Variants in KDM4B observed in about 807,000 individuals in gnomAD.
KDM4B encodes the protein lysine demethylase 4B, also known as lysine-specific demethylase 4B.
Under a neutral mutation model 125.2 loss-of-function variants are expected in KDM4B, and 32 were observed. The observed-to-expected ratio is 0.26, with a 90% CI of 0.19 to 0.34. KDM4B has a LOEUF of 0.34. Ranked by LOEUF, KDM4B falls within the 10% of genes least tolerant of loss-of-function variation. The pLI, the probability that KDM4B is intolerant of heterozygous loss-of-function variation, is 1.00. For missense variants in KDM4B, 1,190 were observed against 1,577.7 expected (o/e 0.75, Z 4.16); for synonymous variants, 721 against 677.9 (o/e 1.06, Z -0.99).
intron 6 of KDM4B, among the ~76,000 whole-genome samples, chr19:5,061,824 C>T (rs1240476698): frequency 1.4e-5 from 2 of 145,954 alleles, no homozygotes; most frequent in African/African-American, 2.5e-5. Flanking sequence ...AAGACCCTGT[C>T]TCTTAAAAAA....
At chr19:5,090,624 G>A (rs1201032049) in intron 9 of KDM4B, among the ~76,000 whole-genome samples, 45 of 84,410 alleles carry the variant, frequency 5.3e-4, no homozygotes, top group African/African-American at 1.2e-3. Flanking sequence ...CTGTCTCCCC[G>A]CTGCGCGCGT....
At position 5,135,425 on chromosome 19, in the gene KDM4B, C is replaced by A; in HGVS notation, c.2172C>A (p.Thr724=). 6.2e-7 allele frequency: 1 copy of A among 1,613,668 alleles called. No homozygotes were observed. Among genetic ancestry groups the A allele is most frequent in the Non-Finnish European group, 8.5e-7 (1 of 1,180,010 alleles). Reference sequence around the variant, plus strand: ...TACCCTCCAAAAGCCGTCAGAAGACCCGACCGCTCATCCCTGAGATGTGCT... The same window carrying A: ...TACCCTCCAAAAGCCGTCAGAAGACACGACCGCTCATCCCTGAGATGTGCT... ...ATLPSKSRQK[T]RPLIPEMCFT... The change falls in exon 15 of 23, where the codon ACC becomes ACA. Residue 724 remains threonine (T), a synonymous_variant. Coordinates refer to ENST00000159111, the MANE Select transcript of KDM4B (RefSeq NM_015015.3).
intron 1 of KDM4B, among the ~76,000 whole-genome samples, chr19:4,981,540 G>A (rs1169741492): frequency 6.6e-6 from 1 of 152,268 alleles, no homozygotes; most frequent in South Asian, 2.1e-4. Context: ...GGTTCTAAAT[G>A]TGCCCCTGGG....
chr19:5,025,918 C>G (rs907959992), intron 2 of KDM4B, among the ~76,000 whole-genome samples: 1 of 151,906 alleles, frequency 6.6e-6, no homozygotes, highest in Non-Finnish European at 1.5e-5. Context: ...GAGTTTCACT[C>G]GTTGCCCAGG....
chr19:5,077,474 C>T lies in KDM4B; in HGVS notation c.780+4C>T. On this transcript the variant is annotated splice_donor_region_variant and intron_variant, in intron 8 of 22. Coordinates refer to ENST00000159111, the MANE Select transcript of KDM4B (RefSeq NM_015015.3). The stretch of plus-strand genomic sequence containing the variant: ...GTACGGGATCCCCTTCAGCCGGGTG[C>T]GTACGGGTGGGGCCTGCACGCCTGT... The T allele has an allele frequency of 3.1e-6, 5 of 1,612,440 alleles. No homozygotes were observed. Among genetic ancestry groups the T allele is most frequent in the South Asian group, 1.1e-5 (1 of 91,070 alleles).
intron 3 of KDM4B, among the ~76,000 whole-genome samples, chr19:5,033,906 G>A (rs945225185): frequency 6.6e-6 from 1 of 152,222 alleles, no homozygotes; most frequent in African/African-American, 2.4e-5. Context: ...TGAGGCAGGG[G>A]GATTGCTTGA....
At position 5,035,880 on chromosome 19, in the gene KDM4B, TGCGC is replaced by T. The variant is rs149870966; in HGVS notation, c.141+2862_141+2865del. 7.3e-4 allele frequency among the ~76,000 whole-genome samples: 100 copies of T among 136,504 alleles called. No individual in the cohort carries two copies. The highest frequency in any genetic ancestry group is 2.0e-3 in the African/African-American group (76 of 37,904). The allele number at this position is 136,504 out of a possible 152,430, so 89.6% of individuals were successfully genotyped here. A position where few individuals can be genotyped will look rare whatever the true frequency, so the allele number is the denominator to read the frequency against. Reference sequence around the variant, plus strand: ...ACGTGTCTCTGTGTGTGTGTGTGTGTGCGCGCGCGCGCGCGCCTGCGCGCACAGG... The same window carrying T: ...ACGTGTCTCTGTGTGTGTGTGTGTGTGCGCGCGCGCGCCTGCGCGCACAGG... On this transcript the variant is annotated intron_variant, in intron 3 of 22. Transcript: ENST00000159111. The surrounding 1 kb of genome is among the most constrained non-coding windows in gnomAD (Gnocchi z 5.3).
chr19:5,133,777 C>T, intron 13 of KDM4B, 106 bp from the exon 14 acceptor site: 2 of 1,201,338 alleles, frequency 1.7e-6, no homozygotes, highest in South Asian at 1.4e-5. Flanking sequence ...CTGTGGGCAG[C>T]CAGGGCTGTA....
intron 7 of KDM4B, chr19:5,074,992 C>G (rs2145838545): frequency 6.6e-6 from 1 of 152,510 alleles, no homozygotes; most frequent in East Asian, 1.9e-4. Context: ...GGCAGTACCT[C>G]TCTACCGTCA....
chr19:4,989,109 G>T (rs1046815260), intron 1 of KDM4B, among the ~76,000 whole-genome samples: 12 of 152,236 alleles, frequency 7.9e-5, no homozygotes, highest in Admixed American at 7.9e-4. Context: ...GGACGGGAGG[G>T]TGGCTGTCTG....
intron 3 of KDM4B, among the ~76,000 whole-genome samples, chr19:5,038,312 T>C (rs2036695164): frequency 6.6e-6 from 1 of 152,154 alleles, no homozygotes; most frequent in African/African-American, 2.4e-5. Context: ...AATCTGGTCT[T>C]GTCGGCCCAT....
rs2036595342 is a variant in KDM4B at position 5,035,688 on chromosome 19, T to C, written c.141+2657T>C. 6.6e-6 allele frequency among the ~76,000 whole-genome samples: 1 copy of C among 151,998 alleles called. No homozygotes were observed. The highest frequency in any genetic ancestry group is 2.1e-4 in the South Asian group (1 of 4,816). On this transcript the variant is annotated intron_variant, in intron 3 of 22. Coordinates refer to ENST00000159111, the MANE Select transcript of KDM4B (RefSeq NM_015015.3). The surrounding 1 kb of genome is among the most constrained non-coding windows in gnomAD (Gnocchi z 5.3). Reference sequence around the variant, plus strand: ...GCGTCTTAAGCCAGTGTGGGGAGTATGGTTTCCCTGCCTTGCGTTCTGCGT... The same window carrying C: ...GCGTCTTAAGCCAGTGTGGGGAGTACGGTTTCCCTGCCTTGCGTTCTGCGT...
At chr19:5,019,041 T>C (rs2035978573) in intron 2 of KDM4B, among the ~76,000 whole-genome samples, 1 of 151,142 alleles carries the variant, frequency 6.6e-6, no homozygotes, top group African/African-American at 2.4e-5. Flanking sequence ...GGTGTGGACG[T>C]TGGTGTGCAG....
intron 1 of KDM4B, among the ~76,000 whole-genome samples, chr19:4,970,455 G>C (rs547608852): frequency 6.6e-6 from 1 of 152,206 alleles, no homozygotes; most frequent in African/African-American, 2.4e-5. Context: ...GTCCCACCGG[G>C]TGCCTGCACT....
chr19:5,024,648 TAAA>T (rs35726883), intron 2 of KDM4B, among the ~76,000 whole-genome samples: 1 of 140,814 alleles, frequency 7.1e-6, no homozygotes, highest in South Asian at 2.3e-4. Flanking sequence ...ACAGCTGCCC[TAAA>T]AAAAAAAAAG....
At chr19:4,989,170 G>A (rs955351430) in intron 1 of KDM4B, among the ~76,000 whole-genome samples, 26 of 152,202 alleles carry the variant, frequency 1.7e-4, no homozygotes, top group African/African-American at 6.3e-4. Flanking sequence ...GGCTTGGCAG[G>A]GTGCTCTGTG....
At chr19:5,070,627 C>G (rs976303507) in intron 6 of KDM4B, 17 of 166,912 alleles carry the variant, frequency 1.0e-4, no homozygotes, top group Non-Finnish European at 1.9e-4. Context: ...CAGATGCTTG[C>G]TGTTCCAGAC....
rs2036609375 is a variant in KDM4B at position 5,035,893 on chromosome 19, G to GCA, written c.141+2863_141+2864insAC. Among the ~76,000 whole-genome samples the GCA allele has an allele frequency of 7.1e-6, 1 of 141,240 alleles. No homozygotes were observed. Among genetic ancestry groups the GCA allele is most frequent in the African/African-American group, 2.5e-5 (1 of 39,710 alleles). 92.7% of individuals were successfully genotyped at this position (141,240 alleles called of 152,430 possible). A position where few individuals can be genotyped will look rare whatever the true frequency, so the allele number is the denominator to read the frequency against. ...TGTGTGTGTGTGTGCGCGCGCGCGC[G>GCA]CGCCTGCGCGCACAGGAGACTGAGG... is the stretch of plus-strand genomic sequence containing the variant. On this transcript the variant is annotated intron_variant, in intron 3 of 22. Coordinates refer to ENST00000159111, the MANE Select transcript of KDM4B (RefSeq NM_015015.3). This position sits in a 1 kb window ranked among gnomAD's most constrained non-coding sequence, Gnocchi z 5.3.
intron 1 of KDM4B, among the ~76,000 whole-genome samples, chr19:5,011,291 C>T (rs1403968369): frequency 6.6e-6 from 1 of 152,202 alleles, no homozygotes; most frequent in Non-Finnish European, 1.5e-5. Flanking sequence ...GGCATCATTG[C>T]TTCTAGGTTT....
Sources: allele counts gnomAD v4.1 joint callset (sites outside exome capture counted in the v4.1 genomes callset), GRCh38; gene constraint gnomAD v4.1.1; non-coding constraint Gnocchi (gnomAD v3.1); transcripts MANE v1.5; gene names NCBI Gene and HGNC (gene_info 2026-07-23, HGNC 2026-07-21).